The following SCAPER variants were observed in gnomAD, a reference collection of about 807,000 sequenced individuals.
SCAPER encodes S-phase cyclin A associated protein in the ER, also known as S phase cyclin A-associated protein in the endoplasmic reticulum.
A neutral mutation model predicts 182.2 loss-of-function variants in SCAPER; 98 were observed. The observed-to-expected ratio is 0.54, with a 90% confidence interval of 0.46 to 0.64. SCAPER has a LOEUF of 0.64. SCAPER is among the 30% of genes least tolerant of loss of function. SCAPER has a pLI of 0.00. For synonymous variants in SCAPER, 605 were observed against 564.6 expected (o/e 1.07, Z -1.01); for missense variants, 1,432 against 1,690.0 (o/e 0.85, Z 2.68).
intron 22 of SCAPER, among the ~76,000 whole-genome samples, chr15:76,618,382 TTC>T: frequency 6.6e-6 from 1 of 152,356 alleles, no homozygotes. Context: ...TATTCCTTCT[TTC>T]AAAAATTTTT....
chr15:76,564,890 G>A (rs1228677195), intron 23 of SCAPER, among the ~76,000 whole-genome samples: 3 of 151,992 alleles, frequency 2.0e-5, no homozygotes, highest in Non-Finnish European at 2.9e-5. Flanking sequence ...TCTGATCTTC[G>A]ACAAACCTGA....
At chr15:76,484,261 T>C (rs765862259) in intron 24 of SCAPER, among the ~76,000 whole-genome samples, 73 of 152,104 alleles carry the variant, frequency 4.8e-4, no homozygotes, top group Admixed American at 7.2e-4. Flanking sequence ...GTTATATAAC[T>C]TCAACTGTGT....
Position 76,683,389 on chromosome 15 carries a change from G to A in SCAPER, c.2509-17600C>T, listed in dbSNP as rs185751254. On this transcript the variant is annotated intron_variant, in intron 20 of 31. Coordinates refer to ENST00000563290, the MANE Select transcript of SCAPER (RefSeq NM_020843.4). ...ATAAAGAAAAATGACCAAAACCTCT[G>A]AGAAATATGGGATTATGTAACAAGA... Among the ~76,000 whole-genome samples the A allele has an allele frequency of 9.9e-5, 15 of 152,186 alleles. 1 individual carries two copies. In the East Asian group the frequency reaches 2.9e-3, roughly 29 times the overall value.
intron 20 of SCAPER, among the ~76,000 whole-genome samples, chr15:76,687,424 C>T (rs1003905667): frequency 2.0e-5 from 3 of 152,090 alleles, no homozygotes; most frequent in African/African-American, 7.2e-5. Context: ...GAATAGTCCT[C>T]ATATTGGCAA....
rs774695335 is a variant in SCAPER, at chr15:76,703,002, G to T, written c.2248C>A (p.His750Asn). Reference sequence around the variant, plus strand: ...ATGTGCCTTCGAATACTTTCATCATGCTGTAGATGAAGTCAAAGTGCAAGA... The same window carrying T: ...ATGTGCCTTCGAATACTTTCATCATTCTGTAGATGAAGTCAAAGTGCAAGA... The part of the protein sequence containing the change: ...EELQKKIQLK[H>N]DESIRRHMEQ... The change falls in exon 19 of 32, where the codon CAT becomes AAT. Residue 750 changes from histidine (H) to asparagine (N), a missense_variant and splice_region_variant. This residue lies in a region of SCAPER where 718 missense variants were observed against 799.7 expected (regional missense o/e 0.90). Transcript: ENST00000563290. 6.5e-7 allele frequency: 1 copy of T among 1,542,274 alleles called. No homozygotes were observed. The highest frequency in any genetic ancestry group is 2.3e-5 in the Admixed American group (1 of 44,164).
intron 15 of SCAPER, among the ~76,000 whole-genome samples, chr15:76,741,606 A>T (rs1291389324): frequency 6.6e-6 from 1 of 152,130 alleles, no homozygotes; most frequent in Non-Finnish European, 1.5e-5. Flanking sequence ...AGAGAACTGC[A>T]GGTGTATGTA....
intron 15 of SCAPER, among the ~76,000 whole-genome samples, chr15:76,737,826 A>C (rs1302221265): frequency 6.6e-6 from 1 of 152,182 alleles, no homozygotes; most frequent in Non-Finnish European, 1.5e-5. Context: ...TCCTTCCTCA[A>C]ACCTCAAGAA....
intron 24 of SCAPER, among the ~76,000 whole-genome samples, chr15:76,473,554 T>C (rs986033350): frequency 6.6e-6 from 1 of 152,212 alleles, no homozygotes; most frequent in Non-Finnish European, 1.5e-5. Flanking sequence ...TGTTTTGATT[T>C]AGTCCCTTAC....
intron 28 of SCAPER, 65 bp downstream of exon 28, chr15:76,381,313 A>ATCCTATCTACACTAAAATACT: frequency 7.5e-7 from 1 of 1,342,188 alleles, no homozygotes; most frequent in East Asian, 2.4e-5. Context: ...AGAATCTGAC[A>ATCCTATCTACACTAAAATACT]TCCTATCTAC....
rs150187425 is a variant in SCAPER, at chr15:76,391,265, C to T, written c.3468-9650G>A. Among the ~76,000 whole-genome samples, 135 of 152,286 alleles carry T rather than the reference C, an allele frequency of 8.9e-4. 1 individual carries two copies. Among genetic ancestry groups the T allele is most frequent in the Middle Eastern group, 3.4e-3 (1 of 294 alleles). Reference sequence around the variant, plus strand: ...CCAGAGAGGCCGTTCCTGACCACTTCGTCTGCAGAAGCCCTTGACCAAGAC... The same window carrying T: ...CCAGAGAGGCCGTTCCTGACCACTTTGTCTGCAGAAGCCCTTGACCAAGAC... On this transcript the variant is annotated intron_variant, in intron 27 of 31. Coordinates refer to ENST00000563290, the MANE Select transcript of SCAPER (RefSeq NM_020843.4).
At chr15:76,352,280 A>AT (rs36061504) in intron 30 of SCAPER, among the ~76,000 whole-genome samples, 49,764 of 149,300 alleles carry the variant, frequency 0.33, 8,470 homozygotes, top group East Asian at 0.58. Context: ...TGTTTTACTA[A>AT]TTTTTTTTTT....
At chr15:76,391,735 G>A (rs770648085) in intron 27 of SCAPER, among the ~76,000 whole-genome samples, 1 of 152,200 alleles carries the variant, frequency 6.6e-6, no homozygotes, top group Non-Finnish European at 1.5e-5. Flanking sequence ...TGTTTCAGGT[G>A]CTATGTGCCT....
At chr15:76,681,717 T>A (rs777209515) in intron 20 of SCAPER, among the ~76,000 whole-genome samples, 1 of 151,962 alleles carries the variant, frequency 6.6e-6, no homozygotes, top group Non-Finnish European at 1.5e-5. Flanking sequence ...TCTCCACAGA[T>A]CCCTGGAATC....
intron 5 of SCAPER, among the ~76,000 whole-genome samples, chr15:76,812,483 GAAA>G (rs59087455): frequency 2.9e-5 from 3 of 101,786 alleles, no homozygotes; most frequent in Admixed American, 1.1e-4. Context: ...GTGAGACTCT[GAAA>G]AAAAAAAAAA....
intron 21 of SCAPER, among the ~76,000 whole-genome samples, chr15:76,642,002 C>G (rs1258886292): frequency 1.3e-5 from 2 of 152,154 alleles, no homozygotes; most frequent in Non-Finnish European, 2.9e-5. Flanking sequence ...CTATGAACCT[C>G]AGTGTTGTCA....
chr15:76,568,803 C>T (rs1490939504), intron 23 of SCAPER, among the ~76,000 whole-genome samples: 1 of 151,912 alleles, frequency 6.6e-6, no homozygotes, highest in East Asian at 1.9e-4. Context: ...TACAAATAAA[C>T]TGGGTAGAAA....
At chr15:76,516,014 G>A (rs1405605377) in intron 23 of SCAPER, among the ~76,000 whole-genome samples, 3 of 152,052 alleles carry the variant, frequency 2.0e-5, no homozygotes, top group East Asian at 3.9e-4. Context: ...GAGAAGGCAG[G>A]CCCTACTGTT....
intron 17 of SCAPER, among the ~76,000 whole-genome samples, chr15:76,713,751 C>T (rs1454346698): frequency 6.6e-6 from 1 of 151,790 alleles, no homozygotes; most frequent in Admixed American, 6.6e-5. Flanking sequence ...GCACATTGTG[C>T]ACATGTACCC....
chr15:76,880,951 G>A (rs1208852502), intron 2 of SCAPER, among the ~76,000 whole-genome samples: 4 of 152,124 alleles, frequency 2.6e-5, no homozygotes, highest in Admixed American at 1.3e-4. Flanking sequence ...GTGCACTGTT[G>A]GTGGGAATTT....
Sources: allele counts gnomAD v4.1 joint callset (sites outside exome capture counted in the v4.1 genomes callset), GRCh38; gene constraint gnomAD v4.1.1; regional missense constraint gnomAD v4.1.1; transcripts MANE v1.5; gene names NCBI Gene and HGNC (gene_info 2026-07-23, HGNC 2026-07-21).